Variants in USP54 observed in about 807,000 individuals in gnomAD.
USP54 encodes the protein ubiquitin specific peptidase 54, also known as ubiquitin carboxyl-terminal hydrolase 54.
USP54 carries 87 observed loss-of-function variants against 170.5 expected under a neutral mutation model. The ratio of observed to expected loss-of-function variants is 0.51; its 90% CI spans 0.43 to 0.61. The LOEUF is 0.61. Among genes scored for constraint, USP54 ranks in the 20% least tolerant of loss-of-function variants. The pLI is 0.00. For missense variants in USP54, 1,786 were observed against 2,047.8 expected, an observed-to-expected ratio of 0.87 and a Z score of 2.47; for synonymous variants, 655 against 742.8, an observed-to-expected ratio of 0.88 and a Z score of 1.92.
rs551486406 is a variant in USP54, at chr10:73,615,928, C to A, written c.-18+9639G>T. 6.4e-4 allele frequency among the ~76,000 whole-genome samples: 91 copies of A among 141,180 alleles called. 1 individual carries two copies. Among genetic ancestry groups the A allele is most frequent in the South Asian group, 1.6e-3 (7 of 4,418 alleles). 92.6% of individuals were successfully genotyped at this position (141,180 alleles called of 152,430 possible). ...CTCAAAAAAAAAAAAAAAAAAAGGC[C>A]CAGCACAGTGGCTCACACCTGTAAT... On this transcript the variant is annotated intron_variant, in intron 1 of 22. Coordinates refer to the USP54 transcript ENST00000339859.
intron 1 of USP54, among the ~76,000 whole-genome samples, chr10:73,608,190 G>A (rs1267240876): frequency 6.6e-6 from 1 of 152,042 alleles, no homozygotes; most frequent in Non-Finnish European, 1.5e-5. Context: ...AACCCGGGAG[G>A]CGGAGGTTGC....
intron 16 of USP54, among the ~76,000 whole-genome samples, chr10:73,525,540 T>TA (rs1472863674): frequency 6.6e-6 from 1 of 152,118 alleles, no homozygotes; most frequent in African/African-American, 2.4e-5. Context: ...TTAGTGTAAT[T>TA]AAAAAAATGC....
intron 1 of USP54, among the ~76,000 whole-genome samples, chr10:73,607,704 C>T (rs1013429220): frequency 6.6e-6 from 1 of 151,682 alleles, no homozygotes; most frequent in East Asian, 1.9e-4. Context: ...TGGTGGCATG[C>T]ACTGTAATTC....
At chr10:73,542,396 G>T (rs1438282343) in intron 7 of USP54, among the ~76,000 whole-genome samples, 2 of 150,664 alleles carry the variant, frequency 1.3e-5, no homozygotes, top group Admixed American at 6.6e-5. Context: ...CACCATGCCC[G>T]GCCAAGATAT....
intron 4 of USP54, among the ~76,000 whole-genome samples, chr10:73,557,928 G>A (rs1346438929): frequency 1.4e-5 from 2 of 144,486 alleles, no homozygotes; most frequent in African/African-American, 2.6e-5. Flanking sequence ...TGTTGCCCAG[G>A]CTGGAGTGCA....
intron 16 of USP54, among the ~76,000 whole-genome samples, chr10:73,524,278 T>C (rs1461011573): frequency 6.6e-6 from 1 of 151,618 alleles, no homozygotes; most frequent in Non-Finnish European, 1.5e-5. Flanking sequence ...GGGCCAGGAA[T>C]AATAATAATA....
intron 22 of USP54, 130 bp downstream of exon 22, chr10:73,504,720 T>C (rs2058786385): frequency 2.4e-6 from 3 of 1,227,106 alleles, no homozygotes; most frequent in Non-Finnish European, 1.1e-6. Flanking sequence ...CGTGTCCTTA[T>C]TTTTGCTGAG....
intron 12 of USP54, among the ~76,000 whole-genome samples, chr10:73,532,385 C>A (rs1205462292): frequency 2.0e-5 from 3 of 152,094 alleles, no homozygotes; most frequent in African/African-American, 7.2e-5. Context: ...CCATGTTAGC[C>A]AGGATGGTCT....
At chr10:73,558,117 T>A (rs1372410344) in intron 4 of USP54, among the ~76,000 whole-genome samples, 2 of 152,080 alleles carry the variant, frequency 1.3e-5, no homozygotes, top group East Asian at 3.9e-4. Context: ...CTTGACCTCA[T>A]GATCCGCCCA....
intron 4 of USP54, among the ~76,000 whole-genome samples, chr10:73,567,831 T>C (rs949502830): frequency 1.3e-5 from 2 of 152,232 alleles, no homozygotes; most frequent in South Asian, 4.1e-4. Context: ...ATAATCTTTA[T>C]ATCTTTCCTT....
chr10:73,514,811 G>A (rs1426822249), intron 20 of USP54, among the ~76,000 whole-genome samples: 7 of 149,952 alleles, frequency 4.7e-5, no homozygotes, highest in Admixed American at 2.6e-4. Flanking sequence ...AGGCTGAGGC[G>A]GGGGGATCAC....
intron 4 of USP54, among the ~76,000 whole-genome samples, chr10:73,563,696 C>T (rs902113774): frequency 2.0e-5 from 3 of 152,174 alleles, no homozygotes; most frequent in Non-Finnish European, 4.4e-5. Flanking sequence ...CTCGGCCTCC[C>T]AAAGTGCTGG....
intron 1 of USP54, among the ~76,000 whole-genome samples, chr10:73,580,596 G>C (rs930109608): frequency 2.0e-5 from 3 of 151,950 alleles, no homozygotes; most frequent in African/African-American, 7.2e-5. Flanking sequence ...TTTTGAGATG[G>C]AGTTTCGCTC....
chr10:73,555,651 AATTTTT>A (rs1755608165), intron 4 of USP54, among the ~76,000 whole-genome samples: 1 of 152,218 alleles, frequency 6.6e-6, no homozygotes, highest in Non-Finnish European at 1.5e-5. Flanking sequence ...TCAATTTACT[AATTTTT>A]GCCAAGATCA....
Position 73,536,330 on chromosome 10 carries a change from G to C in USP54, c.1083C>G (p.Asp361Glu). The change falls in exon 11 of 24, where the codon GAC (aspartate) becomes GAG (glutamate). Residue 361 changes from aspartate to glutamate, a missense_variant. Around this residue, in one of 3 missense-constraint regions of USP54, gnomAD observed 361 missense variants for 455.0 expected, o/e 0.79. Transcript: ENST00000687698. ...ACTGGAACTCAGCTTGGGGAGGCAG[G>C]TCCTGGGTGGAAACTGGGGTACCCT... Reference protein sequence around the residue: ...DPQGTPVSTQDLPPQAEFQSY... With the variant: ...DPQGTPVSTQELPPQAEFQSY... 1.2e-6 allele frequency: 2 copies of C among 1,614,144 alleles called. No homozygotes were observed. Among genetic ancestry groups the C allele is most frequent in the Non-Finnish European group, 1.7e-6 (2 of 1,179,992 alleles).
rs763306380 is a variant in USP54 at position 73,520,013 on chromosome 10, T to C, written c.2483-21A>G. On this transcript the variant is annotated intron_variant, in intron 18 of 23. Coordinates refer to ENST00000687698, the MANE Select transcript of USP54 (RefSeq NM_001391956.1). ...TTTAGCTAAAATGCAAAAGAAAATA[T>C]AGCAGAAACAGAACACAAAACACAA... 4 of 1,569,148 alleles carry C rather than the reference T, an allele frequency of 2.5e-6. No individual in the cohort carries two copies. The Admixed American group carries it at 5.6e-5, about 22-fold the overall frequency.
intron 4 of USP54, among the ~76,000 whole-genome samples, chr10:73,567,688 C>T (rs2074159622): frequency 6.6e-6 from 1 of 152,060 alleles, no homozygotes; most frequent in Non-Finnish European, 1.5e-5. Context: ...AAAAAAGAAA[C>T]AGAACTGAAT....
intron 21 of USP54, 63 bp from the exon 22 acceptor site, chr10:73,505,053 C>G: frequency 6.2e-7 from 1 of 1,604,624 alleles, no homozygotes. Flanking sequence ...TTCCCACAGA[C>G]AGTATCCTCA....
At chr10:73,575,437 T>C in intron 3 of USP54, 75 bp downstream of exon 3, 1 of 1,435,674 alleles carries the variant, frequency 7.0e-7, no homozygotes, top group South Asian at 1.7e-5. Flanking sequence ...ACATTTTATT[T>C]AAAAAGAGTT....
Sources: allele counts gnomAD v4.1 joint callset (sites outside exome capture counted in the v4.1 genomes callset), GRCh38; gene constraint gnomAD v4.1.1; regional missense constraint gnomAD v4.1.1; transcripts MANE v1.5; gene names NCBI Gene and HGNC (gene_info 2026-07-23, HGNC 2026-07-21).